The following FAM81A variants were observed in gnomAD, a reference collection of about 807,000 sequenced individuals.
The protein encoded by FAM81A is protein FAM81A.
Under a neutral mutation model 46.7 loss-of-function variants are expected in FAM81A, and 19 were observed. That is an observed-to-expected ratio of 0.41 (90% CI 0.28 to 0.60). The LOEUF (loss-of-function observed/expected upper bound fraction) is 0.60. Among genes scored for constraint, FAM81A ranks in the 20% least tolerant of loss-of-function variants. The probability of loss-of-function intolerance (pLI) is 0.34; values close to 1 mark genes in which losing one functional copy is unlikely to be tolerated. For synonymous variants in FAM81A, 183 were observed against 152.9 expected, an observed-to-expected ratio of 1.20 and a Z score of -1.45; for missense variants, 377 against 453.5, an observed-to-expected ratio of 0.83 and a Z score of 1.53.
intron 2 of FAM81A, chr15:59,407,883 C>A: frequency 5.1e-6 from 1 of 196,514 alleles, no homozygotes; most frequent in South Asian, 9.2e-5. Flanking sequence ...TTGAGTAGCT[C>A]TTTGGGGGTC....
At chr15:59,434,809 A>G (rs2081235873), upstream of FAM81A, among the ~76,000 whole-genome samples, 2 of 152,344 alleles carry the variant, frequency 1.3e-5, no homozygotes, top group Admixed American at 6.5e-5. Flanking sequence ...AACTCACCAC[A>G]GCCTTGGCCC....
chr15:59,405,580 G>T lies in FAM81A; in HGVS notation c.-78+3222G>T, dbSNP rs142526131. On this transcript the variant is annotated intron_variant, in intron 2 of 4. Transcript: ENST00000558348. ...CGCTTGAACCCTGGAGGCAGGGGCT[G>T]CAGTGAGCCGAGATCACGCCACTGC... 8.9e-3 allele frequency among the ~76,000 whole-genome samples: 1,348 copies of T among 152,120 alleles called. 26 individuals carry two copies. The highest frequency in any genetic ancestry group is 0.03 in the African/African-American group (1,264 of 41,480).
At chr15:59,400,128 A>T (rs1007296329) in intron 1 of FAM81A, among the ~76,000 whole-genome samples, 4 of 152,084 alleles carry the variant, frequency 2.6e-5, no homozygotes, top group African/African-American at 7.2e-5. Context: ...TCACTCAGAG[A>T]TTGCAAAGGC....
chr15:59,453,639 T>TGA (rs2081446156), intron 1 of FAM81A, among the ~76,000 whole-genome samples: 1 of 150,816 alleles, frequency 6.6e-6, no homozygotes, highest in African/African-American at 2.4e-5. Context: ...GAAAGAGGGA[T>TGA]GAGAGAGACA....
chr15:59,506,441 A>G (rs2082149986), intron 4 of FAM81A, among the ~76,000 whole-genome samples: 1 of 152,142 alleles, frequency 6.6e-6, no homozygotes, highest in South Asian at 2.1e-4. Context: ...GTGCTGTTCT[A>G]GGCCCACCTT....
At chr15:59,518,037 A>G (rs559385754) in intron 8 of FAM81A, among the ~76,000 whole-genome samples, 205 of 149,358 alleles carry the variant, frequency 1.4e-3, no homozygotes, top group Non-Finnish European at 2.6e-3. Context: ...CAGTGGCGTG[A>G]TCTTGGCTCA....
intron 3 of FAM81A, among the ~76,000 whole-genome samples, chr15:59,485,624 A>G (rs1202025344): frequency 6.6e-6 from 1 of 152,224 alleles, no homozygotes; most frequent in East Asian, 1.9e-4. Flanking sequence ...TTAACACCCA[A>G]GTCCCTTTGA....
upstream of FAM81A, among the ~76,000 whole-genome samples, chr15:59,437,845 C>G (rs1469648758): frequency 6.6e-6 from 1 of 152,190 alleles, no homozygotes; most frequent in African/African-American, 2.4e-5. Flanking sequence ...TCAACCATCC[C>G]TACAACAGGA....
At chr15:59,432,601 G>T (rs2081225295) in intron 2 of FAM81A, among the ~76,000 whole-genome samples, 1 of 152,114 alleles carries the variant, frequency 6.6e-6, no homozygotes, top group Non-Finnish European at 1.5e-5. Context: ...TCTAGCTCTA[G>T]AACTTAATAG....
chr15:59,497,948 T>G (rs972936820), intron 4 of FAM81A, among the ~76,000 whole-genome samples: 1 of 152,210 alleles, frequency 6.6e-6, no homozygotes, highest in Non-Finnish European at 1.5e-5. Context: ...GTTTGAACTC[T>G]TGGGCTCAAG....
intron 7 of FAM81A, among the ~76,000 whole-genome samples, chr15:59,516,305 T>C (rs1319693541): frequency 3.3e-5 from 5 of 152,084 alleles, no homozygotes; most frequent in African/African-American, 1.2e-4. Flanking sequence ...AATTTTTGTA[T>C]TTTTAATAAA....
intron 2 of FAM81A, among the ~76,000 whole-genome samples, chr15:59,410,956 G>A (rs1184315420): frequency 6.6e-6 from 1 of 152,058 alleles, no homozygotes; most frequent in Non-Finnish European, 1.5e-5. Flanking sequence ...CACCATGTTG[G>A]TCAGGCTGGT....
At chr15:59,439,549 G>GTA (rs1448065469) in intron 1 of FAM81A, among the ~76,000 whole-genome samples, 1 of 152,070 alleles carries the variant, frequency 6.6e-6, no homozygotes. Context: ...CCTCTCACAG[G>GTA]TACCCCTGGT....
intron 3 of FAM81A, among the ~76,000 whole-genome samples, chr15:59,488,797 C>T (rs555998412): frequency 1.2e-4 from 18 of 151,192 alleles, no homozygotes; most frequent in South Asian, 6.2e-4. Context: ...GGTAACATGG[C>T]GAAACCCTGT....
At chr15:59,506,335 T>C (rs937119920) in intron 4 of FAM81A, among the ~76,000 whole-genome samples, 41 of 152,140 alleles carry the variant, frequency 2.7e-4, no homozygotes, top group African/African-American at 8.7e-4. Context: ...GGAGAGTTGG[T>C]GCAGTAGCAG....
In FAM81A at chr15:59,497,867, AT is replaced by A. The variant is rs576241192; in HGVS notation, c.413+5485del. 5.3e-4 allele frequency among the ~76,000 whole-genome samples: 81 copies of A among 152,244 alleles called. No homozygotes were observed. The South Asian group carries it at 1.0e-2, about 19-fold the overall frequency. On this transcript the variant is annotated intron_variant, in intron 4 of 8. Coordinates refer to ENST00000288228, the MANE Select transcript of FAM81A (RefSeq NM_152450.3). ...ACAAATAAGCCTTTATTTAAAAAAA[AT>A]TTTTTTAGAAACATTGTCTTCCTTT... is the stretch of plus-strand genomic sequence containing the variant.
At position 59,492,311 on chromosome 15, in the gene FAM81A, A is replaced by G. The variant is rs746531044; in HGVS notation, c.335A>G (p.Tyr112Cys). Residue 112 changes from tyrosine (Y) to cysteine (C), a missense_variant, in exon 4 of 9, where the codon TAT becomes TGT. Physicochemically the swap from Tyr to Cys is radical, Grantham distance 194. Coordinates refer to ENST00000288228, the MANE Select transcript of FAM81A (RefSeq NM_152450.3). ...ATTCGTGCCCGGGACAACATTAGCT[A>G]TGGAACTAATTCTGCCTTAAAGACC... ...EQIRARDNIS[Y>C]GTNSALKTLE... is the part of the protein sequence containing the mutation. The G allele has an allele frequency of 5.0e-6, 8 of 1,613,676 alleles. No homozygotes were observed. The highest frequency in any genetic ancestry group is 1.3e-5 in the African/African-American group (1 of 74,920).
rs1267758978 is a variant in FAM81A, at chr15:59,521,294, A to G, written c.1023A>G (p.Gln341=). 2 of 1,613,684 alleles carry G rather than the reference A, an allele frequency of 1.2e-6. No individual in the cohort carries two copies. Among genetic ancestry groups the G allele is most frequent in the African/African-American group, 2.7e-5 (2 of 74,918 alleles). Residue 341 remains glutamine (Q), a synonymous_variant, in exon 9 of 9, where the codon CAA becomes CAG. Coordinates refer to ENST00000288228, the MANE Select transcript of FAM81A (RefSeq NM_152450.3). The part of the protein sequence containing the change: ...AVYESIGSLR[Q]VLEAKMKLDR... ...ATGAAAGCATAGGATCCCTCAGGCA[A>G]GTTCTCGAGGCCAAGATGAAGCTGG...
chr15:59,452,177 A>G (rs529020176), intron 1 of FAM81A, among the ~76,000 whole-genome samples: 4 of 152,348 alleles, frequency 2.6e-5, no homozygotes, highest in African/African-American at 7.2e-5. Flanking sequence ...CAGTGTTCCC[A>G]TTGGCTTTCT....
Sources: gnomAD v4.1 joint callset for allele counts (sites outside exome capture counted in the v4.1 genomes callset) on GRCh38, gnomAD v4.1.1 for gene constraint, MANE v1.5 for transcripts, NCBI Gene and HGNC (gene_info 2026-07-23, HGNC 2026-07-21) for gene names.